Variants in GSDMC observed in about 807,000 individuals in gnomAD.
The protein encoded by GSDMC is gasdermin-C.
GSDMC carries 59 observed loss-of-function variants against 58.0 expected under a neutral mutation model. The observed-to-expected ratio is 1.02, with a 90% CI of 0.82 to 1.26. The LOEUF (loss-of-function observed/expected upper bound fraction) is 1.26, where lower values mean the gene tolerates loss of function less well. Among genes scored for constraint, GSDMC ranks in the 50% most tolerant of loss-of-function variants. The pLI, the probability that GSDMC is intolerant of heterozygous loss-of-function variation, is 0.00. For synonymous variants in GSDMC, 241 were observed against 220.2 expected (o/e 1.09, Z -0.83); for missense variants, 659 against 598.5 (o/e 1.10, Z -1.06).
chr8:129,759,369 G>C (rs192707165), intron 6 of GSDMC, among the ~76,000 whole-genome samples: 1 of 151,914 alleles, frequency 6.6e-6, no homozygotes, highest in African/African-American at 2.4e-5. Flanking sequence ...AAATGGGATC[G>C]CATCAAGTTA....
At chr8:129,713,422 C>T in the GSDMC span, among the ~76,000 whole-genome samples, 1 of 152,136 alleles carries the variant, frequency 6.6e-6, no homozygotes, top group Non-Finnish European at 1.5e-5. Context: ...GGAGGAACGC[C>T]CTGTCTCAGG....
intron 3 of GSDMC, among the ~76,000 whole-genome samples, chr8:129,775,216 C>T (rs78101445): frequency 0.042 from 6,374 of 152,110 alleles, 261 homozygotes; most frequent in East Asian, 0.19. Flanking sequence ...GTGTATACGA[C>T]GGAATATTAT....
chr8:129,752,659 T>C (rs2033257297), intron 7 of GSDMC, 39 bp downstream of exon 7: 1 of 1,610,162 alleles, frequency 6.2e-7, no homozygotes, highest in Non-Finnish European at 8.5e-7. Flanking sequence ...AAGAAAAGCA[T>C]CAACATAGAA....
chr8:129,721,181 C>A, the GSDMC span, among the ~76,000 whole-genome samples: 7 of 152,174 alleles, frequency 4.6e-5, no homozygotes, highest in Non-Finnish European at 8.8e-5. Flanking sequence ...TTACTGGCTA[C>A]ATCATTTTTA....
At chr8:129,748,078 A>G (rs896397459), downstream of GSDMC, 2 of 152,868 alleles carry the variant, frequency 1.3e-5, no homozygotes, top group African/African-American at 4.8e-5. Context: ...ACTTTATCAC[A>G]TTTACTTGGT....
chr8:129,784,165 C>G lies in GSDMC; in HGVS notation c.-5+1846G>C, dbSNP rs144879431. Among the ~76,000 whole-genome samples, 722 of 152,252 alleles carry G rather than the reference C, an allele frequency of 4.7e-3. 2 individuals are homozygous for G. The highest frequency in any genetic ancestry group is 7.5e-3 in the Non-Finnish European group (507 of 68,004). On this transcript the variant is annotated intron_variant, in intron 1 of 13. Coordinates refer to ENST00000276708, the MANE Select transcript of GSDMC (RefSeq NM_031415.3). ...TACAGGAAAACACTGGGGAAACTCT[C>G]CAGGACATTGGTCTAGGCAAAAATT...
At chr8:129,716,626 T>C in the GSDMC span, among the ~76,000 whole-genome samples, 1 of 152,228 alleles carries the variant, frequency 6.6e-6, no homozygotes, top group Admixed American at 6.5e-5. Context: ...TCTTGCCTGA[T>C]TGCCCTGGTC....
At chr8:129,753,388 C>T (rs1192458682) in intron 6 of GSDMC, among the ~76,000 whole-genome samples, 2 of 152,194 alleles carry the variant, frequency 1.3e-5, no homozygotes, top group South Asian at 4.1e-4. Flanking sequence ...TCTCTAGACA[C>T]CCCTGGGTGA....
intron 12 of GSDMC, among the ~76,000 whole-genome samples, chr8:129,749,774 G>A (rs2033096938): frequency 6.6e-6 from 1 of 152,168 alleles, no homozygotes; most frequent in Non-Finnish European, 1.5e-5. Context: ...ATTTGTGGAT[G>A]AACATAAACT....
the GSDMC span, among the ~76,000 whole-genome samples, chr8:129,729,526 G>A: frequency 3.3e-5 from 5 of 151,718 alleles, no homozygotes; most frequent in Non-Finnish European, 7.4e-5. Context: ...TGTTCTCATT[G>A]TTCAATTCCC....
At chr8:129,780,897 A>C (rs1269426050) in intron 1 of GSDMC, among the ~76,000 whole-genome samples, 1 of 151,572 alleles carries the variant, frequency 6.6e-6, no homozygotes, top group African/African-American at 2.4e-5. Flanking sequence ...CAGAAGACAA[A>C]GTTAGAATGT....
chr8:129,727,902 C>T, the GSDMC span, among the ~76,000 whole-genome samples: 2 of 152,176 alleles, frequency 1.3e-5, no homozygotes, highest in Non-Finnish European at 2.9e-5. Context: ...GGCAGCAAGA[C>T]TTCAGCCAGG....
intron 3 of GSDMC, among the ~76,000 whole-genome samples, chr8:129,772,783 T>G (rs906813927): frequency 2.0e-5 from 3 of 152,196 alleles, no homozygotes; most frequent in Non-Finnish European, 2.9e-5. Flanking sequence ...AGCATTACTC[T>G]AATACCAAAG....
Position 129,777,495 on chromosome 8 carries a change from G to A in GSDMC, c.93C>T (p.Thr31=). ...GTAATATAACAAACTGACGTAATTTGGTGGCACTCAATAGGTATTTGACAG... is the reference window on the plus strand; with the variant it reads ...GTAATATAACAAACTGACGTAATTTAGTGGCACTCAATAGGTATTTGACAG... The part of the protein sequence containing the change: ...LTPVKYLLSA[T]KLRQFVILRK... Residue 31 remains threonine (T), a synonymous_variant, in exon 2 of 14, where the codon ACC becomes ACT. Coordinates refer to ENST00000276708, the MANE Select transcript of GSDMC (RefSeq NM_031415.3). 2 of 1,612,786 alleles carry A rather than the reference G, an allele frequency of 1.2e-6. No individual in the cohort carries two copies. The highest frequency in any genetic ancestry group is 1.7e-6 in the Non-Finnish European group (2 of 1,178,808).
intron 6 of GSDMC, among the ~76,000 whole-genome samples, chr8:129,759,866 T>C (rs534637978): frequency 6.6e-6 from 1 of 152,154 alleles, no homozygotes; most frequent in Non-Finnish European, 1.5e-5. Flanking sequence ...GCTGGGTATA[T>C]ACACCAAAAG....
chr8:129,739,450 T>G, the GSDMC span, among the ~76,000 whole-genome samples: 1 of 152,218 alleles, frequency 6.6e-6, no homozygotes, highest in Non-Finnish European at 1.5e-5. Flanking sequence ...CCCTTGCCCA[T>G]TTTTAAATCA....
chr8:129,761,118 C>T (rs573243812), intron 5 of GSDMC, among the ~76,000 whole-genome samples: 5 of 152,252 alleles, frequency 3.3e-5, no homozygotes, highest in African/African-American at 7.2e-5. Flanking sequence ...TGACTACTAG[C>T]GGGGAGAGTG....
chr8:129,743,034 G>A, the GSDMC span, among the ~76,000 whole-genome samples: 41 of 152,152 alleles, frequency 2.7e-4, no homozygotes, highest in African/African-American at 9.6e-4. Context: ...TGCTTTTAAA[G>A]TTATCCCTTT....
the GSDMC span, among the ~76,000 whole-genome samples, chr8:129,731,080 C>T: frequency 2.0e-5 from 3 of 152,072 alleles, no homozygotes; most frequent in Admixed American, 6.5e-5. Context: ...AATACCCAGC[C>T]AGGAGACAGA....
Sources: gnomAD v4.1 joint callset for allele counts (sites outside exome capture counted in the v4.1 genomes callset) on GRCh38, gnomAD v4.1.1 for gene constraint, MANE v1.5 for transcripts, NCBI Gene and HGNC (gene_info 2026-07-23, HGNC 2026-07-21) for gene names.